The following KLKB1 variants were observed in gnomAD, a reference collection of about 807,000 sequenced individuals.
KLKB1 encodes kallikrein B1.
A neutral mutation model predicts 73.6 loss-of-function variants in KLKB1; 58 were observed. The observed-to-expected ratio is 0.79, with a 90% CI of 0.64 to 0.98. KLKB1 has a LOEUF of 0.98. KLKB1 is among the 50% of genes least tolerant of loss of function. The probability of loss-of-function intolerance (pLI) is 0.00; values close to 1 mark genes in which losing one functional copy is unlikely to be tolerated. For synonymous variants in KLKB1, 280 were observed against 258.1 expected (o/e 1.08, Z -0.81); for missense variants, 737 against 763.8 (o/e 0.96, Z 0.41).
chr4:186,239,213 A>G (rs1255994592), intron 6 of KLKB1, among the ~76,000 whole-genome samples: 2 of 134,880 alleles, frequency 1.5e-5, no homozygotes, highest in Non-Finnish European at 3.1e-5. Context: ...GGAAACTAGT[A>G]CAGTGATACT....
chr4:186,216,105 A>G (rs895730582), intron 2 of KLKB1, among the ~76,000 whole-genome samples: 2 of 152,220 alleles, frequency 1.3e-5, no homozygotes, highest in Non-Finnish European at 2.9e-5. Context: ...GTGTCATCTA[A>G]GACTGGCAGG....
upstream of KLKB1, among the ~76,000 whole-genome samples, chr4:186,222,510 A>G (rs1035258483): frequency 1.3e-5 from 2 of 152,222 alleles, no homozygotes; most frequent in African/African-American, 4.8e-5. Context: ...TCTGGTAACA[A>G]CTTTGACTGC....
At chr4:186,221,004 G>T (rs756560590) in intron 2 of KLKB1, among the ~76,000 whole-genome samples, 1 of 152,050 alleles carries the variant, frequency 6.6e-6, no homozygotes, top group Non-Finnish European at 1.5e-5. Context: ...GGTTTGTTCA[G>T]ATTTTCTATT....
chr4:186,255,226 G>A (rs921065470), intron 12 of KLKB1, among the ~76,000 whole-genome samples: 14 of 152,122 alleles, frequency 9.2e-5, no homozygotes, highest in Non-Finnish European at 2.1e-4. Flanking sequence ...TGTTGCCTTT[G>A]GAGGGTCATT....
chr4:186,232,441 G>A, intron 3 of KLKB1, 152 bp downstream of exon 3: 2 of 726,434 alleles, frequency 2.8e-6, no homozygotes, highest in Non-Finnish European at 4.8e-6. Context: ...TACAAATGCA[G>A]ATTCCTAGGC....
In KLKB1 at chr4:186,234,039, A is replaced by G. The variant is rs139282630; in HGVS notation, c.309A>G (p.Gln103=). 1.2e-4 allele frequency: 193 copies of G among 1,613,248 alleles called. No homozygotes were observed. Among genetic ancestry groups the G allele is most frequent in the Admixed American group, 1.8e-4 (11 of 60,012 alleles). Reference sequence around the variant, plus strand: ...CAGTTTCTGGACATTCCTTGAAGCAATGTGGTCATCAAATAAGTGGTAAGT... The same window carrying G: ...CAGTTTCTGGACATTCCTTGAAGCAGTGTGGTCATCAAATAAGTGGTAAGT... ...TGAVSGHSLK[Q]CGHQISACHR... is the part of the protein sequence containing the mutation. The change falls in exon 4 of 15, where the codon CAA becomes CAG. Residue 103 remains glutamine, a synonymous_variant. Coordinates refer to ENST00000264690, the MANE Select transcript of KLKB1 (RefSeq NM_000892.5).
At position 186,232,255 on chromosome 4, in the gene KLKB1, C is replaced by T. The variant is rs1737435185; in HGVS notation, c.187C>T (p.Leu63Phe). The T allele has an allele frequency of 6.2e-7, 1 of 1,614,026 alleles. No individual in the cohort carries two copies. The highest frequency in any genetic ancestry group is 8.5e-7 in the Non-Finnish European group (1 of 1,180,008). Residue 63 changes from leucine (L) to phenylalanine (F), a missense_variant, in exon 3 of 15, where the codon CTT (leucine) becomes TTT (phenylalanine). Transcript: ENST00000264690. Reference sequence around the variant, plus strand: ...CCCAAGGTGTTTGCTATTCAGTTTTCTTCCAGCAAGTTCAATCAATGACAT... The same window carrying T: ...CCCAAGGTGTTTGCTATTCAGTTTTTTTCCAGCAAGTTCAATCAATGACAT... ...FHPRCLLFSF[L>F]PASSINDMEK...
chr4:186,249,350 C>T (rs1166765884), intron 6 of KLKB1, among the ~76,000 whole-genome samples: 1 of 152,168 alleles, frequency 6.6e-6, no homozygotes, highest in Non-Finnish European at 1.5e-5. Context: ...AAGTAGCAAT[C>T]CAACTTAATT....
intron 2 of KLKB1, among the ~76,000 whole-genome samples, chr4:186,215,595 A>G (rs28668247): frequency 0.073 from 11,109 of 151,526 alleles, 1,378 homozygotes; most frequent in African/African-American, 0.26. Context: ...CTATCTATCT[A>G]TTTTTTGAGA....
intron 6 of KLKB1, among the ~76,000 whole-genome samples, chr4:186,239,248 T>G: frequency 7.8e-6 from 1 of 127,498 alleles, no homozygotes; most frequent in Non-Finnish European, 1.6e-5. Context: ...TAGAGTGATA[T>G]AGGACAGTGA....
In KLKB1 at chr4:186,237,094, T is replaced by TTTTA. The variant is rs570758109; in HGVS notation, c.488+173_488+176dup. Among the ~76,000 whole-genome samples the TTTTA allele has an allele frequency of 4.3e-3, 650 of 152,114 alleles. 5 individuals carry two copies. In the Middle Eastern group the frequency reaches 0.048, roughly 11 times the overall value. On this transcript the variant is annotated intron_variant, in intron 5 of 14. Transcript: ENST00000264690. ...ACTTACTCTATTTTATTTTTTTATC[T>TTTTA]TTTATTTATTTATTTATTTATTGAG... is the stretch of plus-strand genomic sequence containing the variant.
chr4:186,217,184 A>G (rs890756931), intron 2 of KLKB1, among the ~76,000 whole-genome samples: 1 of 152,224 alleles, frequency 6.6e-6, no homozygotes, highest in Admixed American at 6.5e-5. Flanking sequence ...TAAACCTAGA[A>G]GCATATTTAA....
intron 6 of KLKB1, among the ~76,000 whole-genome samples, chr4:186,238,628 G>A (rs1221604020): frequency 1.3e-5 from 2 of 152,182 alleles, no homozygotes; most frequent in Non-Finnish European, 2.9e-5. Flanking sequence ...AGAGAGAGAG[G>A]TTTGAAGGTA....
intron 6 of KLKB1, among the ~76,000 whole-genome samples, chr4:186,244,973 A>G (rs1259989358): frequency 2.0e-5 from 3 of 152,132 alleles, no homozygotes; most frequent in Non-Finnish European, 4.4e-5. Flanking sequence ...GTGGGGACAC[A>G]CAAGGGGAGG....
intron 13 of KLKB1, among the ~76,000 whole-genome samples, chr4:186,256,705 T>A (rs940745723): frequency 6.6e-6 from 1 of 152,218 alleles, no homozygotes; most frequent in African/African-American, 2.4e-5. Flanking sequence ...AAGACCCCTC[T>A]GTTGCCAAAG....
At chr4:186,256,185 C>G in intron 13 of KLKB1, 98 bp downstream of exon 13, 1 of 750,402 alleles carries the variant, frequency 1.3e-6, no homozygotes, top group South Asian at 1.5e-5. Flanking sequence ...GAAATTATAT[C>G]TAAACTCTTT....
chr4:186,231,093 G>T (rs915683908), intron 2 of KLKB1, among the ~76,000 whole-genome samples: 2 of 152,192 alleles, frequency 1.3e-5, no homozygotes, highest in African/African-American at 4.8e-5. Flanking sequence ...GGGTAGGATA[G>T]TGCAGAGAAG....
chr4:186,251,401 ACAAT>A, intron 8 of KLKB1, 73 bp downstream of exon 8: 2 of 1,519,812 alleles, frequency 1.3e-6, no homozygotes, highest in Non-Finnish European at 1.8e-6. Context: ...CAGTGATGAA[ACAAT>A]CCTCAAGGTA....
Position 186,256,050 on chromosome 4 carries a change from C to T in KLKB1, c.1548C>T (p.Asn516=). The T allele has an allele frequency of 6.2e-7, 1 of 1,613,132 alleles. No individual in the cohort carries two copies. ...SKGDTSTIYT[N]CWVTGWGFSK... ...GTGACACAAGCACAATTTATACCAA[C>T]TGTTGGGTAACCGGATGGGGCTTCT... The change falls in exon 13 of 15, where the codon AAC becomes AAT. Residue 516 remains asparagine, a synonymous_variant. Coordinates refer to ENST00000264690, the MANE Select transcript of KLKB1 (RefSeq NM_000892.5).
Sources: allele counts gnomAD v4.1 joint callset (sites outside exome capture counted in the v4.1 genomes callset), GRCh38; gene constraint gnomAD v4.1.1; transcripts MANE v1.5; gene names NCBI Gene and HGNC (gene_info 2026-07-23, HGNC 2026-07-21).